The following MYO19 variants were observed in gnomAD, a reference collection of about 807,000 sequenced individuals.
MYO19 encodes myosin XIX.
Under a neutral mutation model 129.2 loss-of-function variants are expected in MYO19, and 132 were observed. That is an observed-to-expected ratio of 1.02 (90% CI 0.89 to 1.18). The LOEUF (loss-of-function observed/expected upper bound fraction) is 1.18. Ranked by LOEUF, MYO19 falls within the 50% of genes most tolerant of loss-of-function variation. The pLI, the probability that MYO19 is intolerant of heterozygous loss-of-function variation, is 0.00. For missense variants in MYO19, 1,210 were observed against 1,216.7 expected, an observed-to-expected ratio of 0.99 and a Z score of 0.08; for synonymous variants, 531 against 477.2, an observed-to-expected ratio of 1.11 and a Z score of -1.47.
chr17:36,517,423 C>A (rs2072829853), intron 6 of MYO19, among the ~76,000 whole-genome samples: 1 of 152,068 alleles, frequency 6.6e-6, no homozygotes, highest in Admixed American at 6.5e-5. Context: ...CCATGCCCAG[C>A]TAATTTTTGT....
At chr17:36,515,011 G>T in intron 8 of MYO19, 102 bp downstream of exon 8, 1 of 994,838 alleles carries the variant, frequency 1.0e-6, no homozygotes. Context: ...AGGAGGAGCA[G>T]GGTTTTTGCC....
chr17:36,514,940 A>G (rs1458054321), intron 8 of MYO19, among the ~76,000 whole-genome samples, 173 bp downstream of exon 8: 1 of 152,178 alleles, frequency 6.6e-6, no homozygotes, highest in Non-Finnish European at 1.5e-5. Context: ...GAGAGGAGCT[A>G]TAGTTCTCCA....
At chr17:36,521,649 A>T (rs1297127472) in intron 6 of MYO19, among the ~76,000 whole-genome samples, 1 of 152,236 alleles carries the variant, frequency 6.6e-6, no homozygotes, top group Non-Finnish European at 1.5e-5. Flanking sequence ...GCTATACCAC[A>T]ACACAGCACT....
intron 11 of MYO19, chr17:36,513,062 T>G: frequency 2.4e-6 from 3 of 1,237,756 alleles, no homozygotes; most frequent in Non-Finnish European, 3.1e-6. Context: ...GAGGACTGTT[T>G]AAAAAACTAA....
intron 18 of MYO19, among the ~76,000 whole-genome samples, chr17:36,506,251 T>G (rs2071876558): frequency 6.6e-6 from 1 of 152,088 alleles, no homozygotes; most frequent in Non-Finnish European, 1.5e-5. Flanking sequence ...GCCCCTAGAC[T>G]TCCCATCATA....
At chr17:36,520,517 C>G (rs1015626624) in intron 6 of MYO19, among the ~76,000 whole-genome samples, 2 of 152,042 alleles carry the variant, frequency 1.3e-5, no homozygotes, top group Non-Finnish European at 2.9e-5. Context: ...TCCACTTATA[C>G]GTGGGTTTTT....
intron 5 of MYO19, 118 bp from the exon 6 acceptor site, chr17:36,525,459 GA>G: frequency 2.7e-6 from 2 of 750,700 alleles, no homozygotes; most frequent in Non-Finnish European, 4.5e-6. Context: ...GCTTCCTCCA[GA>G]AAAATTTTCT....
At chr17:36,531,773 T>C (rs903725909) in intron 3 of MYO19, among the ~76,000 whole-genome samples, 7 of 152,172 alleles carry the variant, frequency 4.6e-5, no homozygotes, top group African/African-American at 1.2e-4. Flanking sequence ...ACCTTGCTGA[T>C]GTCAGGCACT....
chr17:36,518,016 G>A (rs977199546), intron 6 of MYO19, among the ~76,000 whole-genome samples: 2 of 151,882 alleles, frequency 1.3e-5, no homozygotes, highest in Non-Finnish European at 2.9e-5. Context: ...CTTGAACCCG[G>A]GAGGCGCAGG....
At chr17:36,529,227 A>AT (rs2073679481) in intron 3 of MYO19, among the ~76,000 whole-genome samples, 1 of 151,758 alleles carries the variant, frequency 6.6e-6, no homozygotes, top group Non-Finnish European at 1.5e-5. Flanking sequence ...TGGCATGATC[A>AT]TATCTCACTG....
chr17:36,518,715 A>T (rs1263184940), intron 6 of MYO19, among the ~76,000 whole-genome samples: 1 of 151,248 alleles, frequency 6.6e-6, no homozygotes, highest in Non-Finnish European at 1.5e-5. Context: ...AAAGGCAATA[A>T]AAAAAGGAAC....
chr17:36,532,763 A>G, intron 2 of MYO19, 82 bp from the exon 3 acceptor site: 1 of 603,320 alleles, frequency 1.7e-6, no homozygotes, highest in East Asian at 2.8e-5. Context: ...CCCACCTAGC[A>G]GAAGCAACCA....
rs369758596 is a variant in MYO19, at chr17:36,527,678, C to T, written c.173G>A (p.Arg58Gln). 14 of 1,613,166 alleles carry T rather than the reference C, an allele frequency of 8.7e-6. No individual in the cohort carries two copies. Among genetic ancestry groups the T allele is most frequent in the African/African-American group, 4.0e-5 (3 of 74,886 alleles). ...LETVLRCLQA[R>Q]YMADTFYTNA... Reference sequence around the variant, plus strand: ...GGTGTAGAATGTGTCTGCCATGTACCGGGCCTGCAGGCACCTCAGGACTGA... The same window carrying T: ...GGTGTAGAATGTGTCTGCCATGTACTGGGCCTGCAGGCACCTCAGGACTGA... The change falls in exon 5 of 26, where the codon CGG (arginine) becomes CAG (glutamine). Residue 58 changes from arginine to glutamine, a missense_variant. By Grantham distance (43) the Arg-to-Gln change is conservative. Coordinates refer to ENST00000614623, the MANE Select transcript of MYO19 (RefSeq NM_001163735.2).
chr17:36,497,307 A>T (rs1338744002), intron 25 of MYO19, among the ~76,000 whole-genome samples: 1 of 151,230 alleles, frequency 6.6e-6, no homozygotes, highest in East Asian at 1.9e-4. Flanking sequence ...CGTCTCAAAA[A>T]ATTAAATAAC....
chr17:36,507,618 C>G, intron 15 of MYO19, 106 bp from the exon 16 acceptor site: 2 of 1,353,956 alleles, frequency 1.5e-6, no homozygotes, highest in Middle Eastern at 2.5e-4. Context: ...AGAACAGCAT[C>G]AAAGAAACAA....
At chr17:36,498,693 C>T in intron 24 of MYO19, 134 bp from the exon 25 acceptor site, 2 of 1,040,216 alleles carry the variant, frequency 1.9e-6, no homozygotes, top group South Asian at 1.7e-5. Flanking sequence ...CAGCTGGCTG[C>T]CCTGAACCAA....
chr17:36,503,849 T>C lies in MYO19; in HGVS notation c.1976+101A>G, dbSNP rs940078416. 8.0e-6 allele frequency: 8 copies of C among 1,000,120 alleles called. No homozygotes were observed. The Middle Eastern group carries it at 6.4e-4, about 80-fold the overall frequency. 62.0% of individuals were successfully genotyped at this position (1,000,120 alleles called of 1,614,324 possible). A position where few individuals can be genotyped will look rare whatever the true frequency, so the allele number is the denominator to read the frequency against. On this transcript the variant is annotated intron_variant, in intron 20 of 25. Transcript: ENST00000614623. Reference sequence around the variant, plus strand: ...CTACAGACCAGCCTCTTTCTCTTCATTTCCACATCTCACTCTGGGTTGGGC... The same window carrying C: ...CTACAGACCAGCCTCTTTCTCTTCACTTCCACATCTCACTCTGGGTTGGGC...
In MYO19 at chr17:36,503,998, C is replaced by A; in HGVS notation, c.1928G>T (p.Cys643Phe). The A allele has an allele frequency of 1.3e-6, 2 of 1,583,054 alleles. No individual in the cohort carries two copies. The highest frequency in any genetic ancestry group is 1.7e-6 in the Non-Finnish European group (2 of 1,166,636). Residue 643 changes from cysteine to phenylalanine, a missense_variant, in exon 20 of 26, where the codon TGT (cysteine) becomes TTT (phenylalanine). Cys to Phe is a radical substitution (Grantham distance 205). Coordinates refer to ENST00000614623, the MANE Select transcript of MYO19 (RefSeq NM_001163735.2). ...GATATGGATGGTCTCCACGAGGCCACAGGCCTCCAGCTGGCTCAGGACCTG... is the reference window on the plus strand; with the variant it reads ...GATATGGATGGTCTCCACGAGGCCAAAGGCCTCCAGCTGGCTCAGGACCTG... ...QEEVLSQLEACGLVETIHISA... is the reference protein window; with the variant it reads ...QEEVLSQLEAFGLVETIHISA...
At chr17:36,541,183 G>A (rs1437475102) in intron 2 of MYO19, among the ~76,000 whole-genome samples, 2 of 152,046 alleles carry the variant, frequency 1.3e-5, no homozygotes, top group East Asian at 3.9e-4. Context: ...CTGACCTCGT[G>A]ATCCGCCTGC....
Sources: allele counts gnomAD v4.1 joint callset (sites outside exome capture counted in the v4.1 genomes callset), GRCh38; gene constraint gnomAD v4.1.1; transcripts MANE v1.5; gene names NCBI Gene and HGNC (gene_info 2026-07-23, HGNC 2026-07-21).